The following CEP76 variants were observed in gnomAD, a reference collection of about 807,000 sequenced individuals.
CEP76 encodes centrosomal protein 76.
A neutral mutation model predicts 83.3 loss-of-function variants in CEP76; 55 were observed. The observed-to-expected ratio is 0.66, with a 90% CI of 0.53 to 0.83. The LOEUF (loss-of-function observed/expected upper bound fraction) is 0.83, where lower values mean the gene tolerates loss of function less well. Ranked by LOEUF, CEP76 falls within the 40% of genes least tolerant of loss-of-function variation. The pLI, the probability that CEP76 is intolerant of heterozygous loss-of-function variation, is 0.00. For synonymous variants in CEP76, 270 were observed against 274.5 expected, an observed-to-expected ratio of 0.98 and a Z score of 0.16; for missense variants, 694 against 799.5, an observed-to-expected ratio of 0.87 and a Z score of 1.59.
At chr18:12,686,084 T>C (rs2039530880) in intron 8 of CEP76, 178 bp downstream of exon 8, 1 of 492,026 alleles carries the variant, frequency 2.0e-6, no homozygotes, top group East Asian at 3.3e-5. Flanking sequence ...ATTATTGTAA[T>C]TTTTTACTTT....
At chr18:12,690,723 G>A (rs1036696602) in intron 7 of CEP76, among the ~76,000 whole-genome samples, 1 of 152,082 alleles carries the variant, frequency 6.6e-6, no homozygotes, top group Non-Finnish European at 1.5e-5. Context: ...CCCAAGTGCT[G>A]GGATTACAGG....
At chr18:12,702,192 G>A (rs975681614) in intron 1 of CEP76, among the ~76,000 whole-genome samples, 2 of 152,156 alleles carry the variant, frequency 1.3e-5, no homozygotes, top group Admixed American at 1.3e-4. Context: ...CACTCGATCC[G>A]ACTTCCAGAA....
intron 4 of CEP76, 184 bp downstream of exon 4, chr18:12,698,795 T>C (rs997507728): frequency 3.5e-6 from 2 of 573,596 alleles, no homozygotes; most frequent in Non-Finnish European, 6.2e-6. Context: ...CCAGGGAAAA[T>C]GAATAGCAAA....
intron 12 of CEP76, among the ~76,000 whole-genome samples, chr18:12,662,849 A>G (rs1176475781): frequency 1.3e-5 from 2 of 152,234 alleles, no homozygotes; most frequent in African/African-American, 2.4e-5. Flanking sequence ...TAGTGTATCA[A>G]TGGGTTCATG....
chr18:12,666,388 A>T (rs1158593642), intron 12 of CEP76, among the ~76,000 whole-genome samples: 5 of 149,444 alleles, frequency 3.3e-5, no homozygotes, highest in Non-Finnish European at 7.4e-5. Context: ...TTCAACTGTG[A>T]TATTGTCTTA....
chr18:12,688,183 A>T (rs2039614565), intron 7 of CEP76, among the ~76,000 whole-genome samples: 1 of 147,596 alleles, frequency 6.8e-6, no homozygotes, highest in Admixed American at 7.0e-5. Flanking sequence ...GTGAGCCGAG[A>T]TCGTGCCACT....
intron 12 of CEP76, among the ~76,000 whole-genome samples, chr18:12,666,529 G>A (rs1158214292): frequency 1.4e-5 from 2 of 145,026 alleles, no homozygotes; most frequent in East Asian, 2.1e-4. Flanking sequence ...GCCTCCTAAC[G>A]TCCCGCCTCA....
At position 12,695,236 on chromosome 18, in the gene CEP76, A is replaced by C. The variant is rs1412285788; in HGVS notation, c.804+18T>G. On this transcript the variant is annotated intron_variant, in intron 6 of 11. Transcript: ENST00000262127. ...TGAAAACAAACACACAAAAAAAGAG[A>C]AACTCATAAGTATTTACCTGTGTGT... The C allele has an allele frequency of 1.6e-4, 177 of 1,133,242 alleles. No individual in the cohort carries two copies. Among genetic ancestry groups the C allele is most frequent in the Non-Finnish European group, 2.0e-4 (162 of 790,788 alleles). The allele number at this position is 1,133,242 out of a possible 1,614,324, so 70.2% of individuals were successfully genotyped here. A position where few individuals can be genotyped will look rare whatever the true frequency, so the allele number is the denominator to read the frequency against.
At chr18:12,662,945 C>T (rs2038727295) in intron 12 of CEP76, among the ~76,000 whole-genome samples, 1 of 152,024 alleles carries the variant, frequency 6.6e-6, no homozygotes, top group South Asian at 2.1e-4. Flanking sequence ...ATTTTTAAAC[C>T]ATTATAAATG....
chr18:12,701,196 A>G, intron 1 of CEP76, 83 bp from the exon 2 acceptor site: 1 of 958,402 alleles, frequency 1.0e-6, no homozygotes, highest in Non-Finnish European at 1.6e-6. Context: ...TCTCCAGCTA[A>G]CAGTAAATGC....
In CEP76 at chr18:12,683,186, C is replaced by CAAAAAAAAAAAAAAAA. The variant is rs765652085; in HGVS notation, c.1123-2374_1123-2359dup. Among the ~76,000 whole-genome samples, 76 of 63,664 alleles carry CAAAAAAAAAAAAAAAA rather than the reference C, an allele frequency of 1.2e-3. 3 individuals are homozygous for CAAAAAAAAAAAAAAAA. Among genetic ancestry groups the CAAAAAAAAAAAAAAAA allele is most frequent in the Non-Finnish European group, 1.4e-3 (45 of 32,432 alleles). 41.8% of individuals were successfully genotyped at this position (63,664 alleles called of 152,430 possible). On this transcript the variant is annotated intron_variant, in intron 8 of 11. Transcript: ENST00000262127. ...GAAACCCCATCTCTACTAAAAATAC[C>CAAAAAAAAAAAAAAAA]AAAAAAAAAAAAAAAAAAGCCAGGC... is the stretch of plus-strand genomic sequence containing the variant.
chr18:12,698,889 C>T, intron 4 of CEP76, 90 bp downstream of exon 4: 6 of 907,366 alleles, frequency 6.6e-6, no homozygotes, highest in Non-Finnish European at 1.0e-5. Context: ...TTATAAATCT[C>T]TCCTTACAGA....
chr18:12,700,922 ATAT>A, intron 2 of CEP76, 33 bp downstream of exon 2: 3 of 789,882 alleles, frequency 3.8e-6, no homozygotes, highest in Non-Finnish European at 5.7e-6. Context: ...GTATATACAT[ATAT>A]ACTCTCATTT....
At chr18:12,670,525 G>A (rs1321131670), downstream of CEP76, 2 of 152,116 alleles carry the variant, frequency 1.3e-5, no homozygotes, top group East Asian at 1.9e-4. Flanking sequence ...CAGCCTCAAT[G>A]TTAATACAGC....
At chr18:12,687,454 A>ATTT (rs1259960536) in intron 7 of CEP76, among the ~76,000 whole-genome samples, 4 of 140,738 alleles carry the variant, frequency 2.8e-5, no homozygotes, top group Admixed American at 7.2e-5. Flanking sequence ...GAAGGCATCA[A>ATTT]TTTTTTTTTT....
In CEP76 at chr18:12,680,791, A is replaced by C; in HGVS notation, c.1160T>G (p.Leu387Arg). 6.2e-6 allele frequency: 10 copies of C among 1,613,496 alleles called. No homozygotes were observed. The highest frequency in any genetic ancestry group is 2.2e-5 in the South Asian group (2 of 90,932). Residue 387 changes from leucine (L) to arginine (R), a missense_variant, in exon 9 of 12, where the codon CTT becomes CGT. Transcript: ENST00000262127. ...GGCTTCTAATCCATATCCAAGAAGA[A>C]GGCTGCACAGAAGGTTAGCGTGATC... ...CEDHANLLCSLLLGYGLEAFV... is the reference protein window; with the variant it reads ...CEDHANLLCSRLLGYGLEAFV...
In CEP76 at chr18:12,700,953, C is replaced by T. The variant is rs2040129861; in HGVS notation, c.219+5G>A. 1 of 1,609,234 alleles carries T rather than the reference C, an allele frequency of 6.2e-7. No individual in the cohort carries two copies. Among genetic ancestry groups the T allele is most frequent in the Non-Finnish European group, 8.5e-7 (1 of 1,176,406 alleles). ...TCTCATTTATTTCCCTAAAAGATTA[C>T]TCACAGTAACAAAATTAAGTTCTTT... On this transcript the variant is annotated splice_donor_5th_base_variant and intron_variant, in intron 2 of 11. Transcript: ENST00000262127.
intron 9 of CEP76, 120 bp from the exon 10 acceptor site, chr18:12,678,562 T>A: frequency 3.2e-6 from 2 of 633,670 alleles, no homozygotes; most frequent in Non-Finnish European, 5.3e-6. Context: ...AGTTTAATAC[T>A]TGTTTTTCTT....
intron 12 of CEP76, among the ~76,000 whole-genome samples, chr18:12,666,931 AAT>A (rs1281447101): frequency 1.3e-5 from 2 of 152,120 alleles, no homozygotes; most frequent in Non-Finnish European, 2.9e-5. Context: ...TCTTATTCAT[AAT>A]GAGTTTAAAA....
Sources: gnomAD v4.1 joint callset for allele counts (sites outside exome capture counted in the v4.1 genomes callset) on GRCh38, gnomAD v4.1.1 for gene constraint, MANE v1.5 for transcripts, NCBI Gene and HGNC (gene_info 2026-07-23, HGNC 2026-07-21) for gene names.